Variants in KHDRBS3 observed in about 807,000 individuals in gnomAD.
KHDRBS3 encodes the protein KH domain-containing, RNA-binding, signal transduction-associated protein 3.
KHDRBS3 carries 23 observed loss-of-function variants against 45.6 expected under a neutral mutation model. The ratio of observed to expected loss-of-function variants is 0.50; its 90% confidence interval spans 0.36 to 0.72. The LOEUF (loss-of-function observed/expected upper bound fraction) is 0.72, where lower values mean the gene tolerates loss of function less well. Ranked by LOEUF, KHDRBS3 falls within the 30% of genes least tolerant of loss-of-function variation. The pLI is 0.00. For missense variants in KHDRBS3, 352 were observed against 424.8 expected (o/e 0.83, Z 1.51); for synonymous variants, 162 against 156.5 (o/e 1.04, Z -0.26).
Position 135,635,663 on chromosome 8 carries a change from G to A in KHDRBS3, c.891-9396G>A, listed in dbSNP as rs534908776. Reference sequence around the variant, plus strand: ...CTCCCAAAGTGCTGGGATTACAGGCGTGAGCCACTGCACCCGGCCTGGCAG... The same window carrying A: ...CTCCCAAAGTGCTGGGATTACAGGCATGAGCCACTGCACCCGGCCTGGCAG... On this transcript the variant is annotated intron_variant, in intron 7 of 8. Coordinates refer to ENST00000355849, the MANE Select transcript of KHDRBS3 (RefSeq NM_006558.3). Among the ~76,000 whole-genome samples, 313 of 152,274 alleles carry A rather than the reference G, an allele frequency of 2.1e-3. 2 individuals carry two copies. Among genetic ancestry groups the A allele is most frequent in the Non-Finnish European group, 2.2e-3 (148 of 68,028 alleles).
chr8:135,470,468 T>G (rs1381377029), intron 1 of KHDRBS3, among the ~76,000 whole-genome samples: 1 of 152,130 alleles, frequency 6.6e-6, no homozygotes, highest in Non-Finnish European at 1.5e-5. Flanking sequence ...TTCTAATAGC[T>G]TCAGAGAATA....
intron 4 of KHDRBS3, among the ~76,000 whole-genome samples, chr8:135,555,978 G>A (rs1230810946): frequency 2.0e-5 from 3 of 152,090 alleles, no homozygotes; most frequent in Non-Finnish European, 2.9e-5. Context: ...GAGTGAGAAC[G>A]TGCGGTATTT....
intron 2 of KHDRBS3, among the ~76,000 whole-genome samples, chr8:135,530,947 C>G (rs12547718): frequency 5.9e-5 from 9 of 152,128 alleles, no homozygotes; most frequent in African/African-American, 2.2e-4. Flanking sequence ...GTATCAGTTT[C>G]TTGCCTTTGA....
At chr8:135,480,974 C>T (rs1822534592) in intron 1 of KHDRBS3, among the ~76,000 whole-genome samples, 1 of 152,014 alleles carries the variant, frequency 6.6e-6, no homozygotes, top group South Asian at 2.1e-4. Flanking sequence ...GATTGGCTTC[C>T]TAACCACCAG....
chr8:135,484,120 C>T (rs748419127), intron 1 of KHDRBS3, among the ~76,000 whole-genome samples: 1 of 152,082 alleles, frequency 6.6e-6, no homozygotes, highest in African/African-American at 2.4e-5. Context: ...AAATAACCAC[C>T]ACAAAGAGTT....
intron 1 of KHDRBS3, chr8:135,458,771 C>T (rs147315035): frequency 2.1e-4 from 90 of 436,488 alleles, no homozygotes; most frequent in Non-Finnish European, 3.7e-4. Context: ...CACACGACTC[C>T]AGCCAGCTCA....
At chr8:135,565,813 GC>G (rs1160177432) in intron 5 of KHDRBS3, among the ~76,000 whole-genome samples, 2 of 152,196 alleles carry the variant, frequency 1.3e-5, no homozygotes, top group East Asian at 3.9e-4. Flanking sequence ...GCCCCCTGCA[GC>G]CTGTCCTCAT....
intron 1 of KHDRBS3, among the ~76,000 whole-genome samples, chr8:135,515,666 C>G (rs1370620577): frequency 1.3e-5 from 2 of 152,016 alleles, no homozygotes; most frequent in African/African-American, 4.8e-5. Context: ...TTGCTTTGGC[C>G]CTTGCTGCTG....
chr8:135,589,971 A>T (rs1410093908), intron 6 of KHDRBS3, among the ~76,000 whole-genome samples: 1 of 152,230 alleles, frequency 6.6e-6, no homozygotes, highest in Non-Finnish European at 1.5e-5. Flanking sequence ...AATGCAATTT[A>T]ATATAAAGAT....
chr8:135,512,437 G>GGGA (rs1554620171), intron 1 of KHDRBS3, among the ~76,000 whole-genome samples: 2 of 128,380 alleles, frequency 1.6e-5, no homozygotes, highest in Admixed American at 7.9e-5. Context: ...GTCGGGGGGG[G>GGGA]GGTAATAACT....
chr8:135,468,216 C>G (rs1195748855), intron 1 of KHDRBS3, among the ~76,000 whole-genome samples: 2 of 152,156 alleles, frequency 1.3e-5, no homozygotes, highest in Admixed American at 6.5e-5. Flanking sequence ...AGGATCATCC[C>G]CTAAATTGGC....
chr8:135,512,806 A>G (rs1824371438), intron 1 of KHDRBS3, among the ~76,000 whole-genome samples: 1 of 152,238 alleles, frequency 6.6e-6, no homozygotes, highest in African/African-American at 2.4e-5. Context: ...AGTGTGAACA[A>G]TGAGTATATG....
chr8:135,497,346 C>A (rs563742769), intron 1 of KHDRBS3, among the ~76,000 whole-genome samples: 5 of 152,120 alleles, frequency 3.3e-5, no homozygotes, highest in Non-Finnish European at 7.3e-5. Context: ...GTATTTCCGA[C>A]GAGGAGATTG....
intron 7 of KHDRBS3, among the ~76,000 whole-genome samples, chr8:135,615,364 G>GACAC (rs752557939): frequency 4.0e-5 from 6 of 149,264 alleles, no homozygotes; most frequent in South Asian, 2.1e-4. Context: ...TAGTGTATCA[G>GACAC]ACACACACAC....
chr8:135,647,872 T>C (rs1339885049), downstream of KHDRBS3: 1 of 152,194 alleles, frequency 6.6e-6, no homozygotes, highest in East Asian at 1.9e-4. Context: ...CCAAATCTTG[T>C]TTAAAAACTG....
At chr8:135,617,050 C>T (rs538759689) in intron 7 of KHDRBS3, among the ~76,000 whole-genome samples, 11 of 151,976 alleles carry the variant, frequency 7.2e-5, no homozygotes, top group Non-Finnish European at 1.5e-4. Context: ...CTTAGCTCTA[C>T]GACGTTGACT....
intron 6 of KHDRBS3, among the ~76,000 whole-genome samples, chr8:135,591,686 C>T (rs549206191): frequency 2.1e-4 from 32 of 152,190 alleles, no homozygotes; most frequent in South Asian, 1.2e-3. Context: ...TTAAGGGAAA[C>T]GAAATGTATT....
At chr8:135,481,250 A>T (rs868797550) in intron 1 of KHDRBS3, among the ~76,000 whole-genome samples, 11 of 125,562 alleles carry the variant, frequency 8.8e-5, no homozygotes, top group Non-Finnish European at 1.5e-4. Context: ...ATATATATAT[A>T]TTTAATGTAA....
intron 7 of KHDRBS3, among the ~76,000 whole-genome samples, chr8:135,626,232 A>C (rs893732744): frequency 2.0e-5 from 3 of 152,248 alleles, no homozygotes; most frequent in African/African-American, 7.2e-5. Flanking sequence ...ATGAGAAATT[A>C]AATTAACTTT....
Sources: gnomAD v4.1 joint callset for allele counts (sites outside exome capture counted in the v4.1 genomes callset) on GRCh38, gnomAD v4.1.1 for gene constraint, MANE v1.5 for transcripts, NCBI Gene and HGNC (gene_info 2026-07-23, HGNC 2026-07-21) for gene names.